Variants in CARHSP1 observed in about 807,000 individuals in gnomAD.
CARHSP1 encodes the protein calcium-regulated heat-stable protein 1.
CARHSP1 carries 14 observed loss-of-function variants against 12.5 expected under a neutral mutation model. That is an observed-to-expected ratio of 1.12 (90% CI 0.74 to 1.75). The LOEUF is 1.75. CARHSP1 is among the 40% of genes most tolerant of loss of function. The pLI, the probability that CARHSP1 is intolerant of heterozygous loss-of-function variation, is 0.00. For missense variants in CARHSP1, 343 were observed against 201.6 expected (o/e 1.70, Z -4.25); for synonymous variants, 161 against 82.0 (o/e 1.96, Z -5.20).
intron 1 of CARHSP1, among the ~76,000 whole-genome samples, chr16:8,860,999 G>A (rs190059630): frequency 2.7e-5 from 4 of 148,382 alleles, no homozygotes; most frequent in African/African-American, 9.9e-5. Context: ...GCAATGAGCC[G>A]AGATCACACC....
chr16:8,857,263 G>GTTTTTTGTTTTTTTTTTTTTTTTTTTTTT (rs1315960023), intron 3 of CARHSP1, among the ~76,000 whole-genome samples: 1 of 57,036 alleles, frequency 1.8e-5, no homozygotes, highest in African/African-American at 5.6e-5. Flanking sequence ...GGGCAGATCT[G>GTTTTTTGTTTTTTTTTTTTTTTTTTTTTT]TTTTTTTTTT....
intron 1 of CARHSP1, chr16:8,866,547 G>T: frequency 1.2e-6 from 1 of 801,280 alleles, no homozygotes; most frequent in Non-Finnish European, 1.5e-6. Context: ...GGCGGGGCGG[G>T]TCAGCTGAGC....
intron 1 of CARHSP1, chr16:8,861,564 G>T: frequency 8.0e-7 from 1 of 1,253,866 alleles, no homozygotes; most frequent in Non-Finnish European, 1.0e-6. Context: ...TGAAATGTCA[G>T]AACCCCTCCC....
intron 1 of CARHSP1, among the ~76,000 whole-genome samples, chr16:8,866,730 G>C (rs1291318129): frequency 6.6e-6 from 1 of 151,316 alleles, no homozygotes; most frequent in Non-Finnish European, 1.5e-5. Flanking sequence ...GATGGGGGTT[G>C]GAGTGTCCAG....
chr16:8,858,995 C>A (rs576694348), intron 2 of CARHSP1, 176 bp downstream of exon 2: 17 of 562,566 alleles, frequency 3.0e-5, no homozygotes, highest in African/African-American at 2.1e-4. Context: ...CTGGGCAGTA[C>A]CCTGAATTTA....
chr16:8,863,179 G>A (rs1404410197), intron 1 of CARHSP1, among the ~76,000 whole-genome samples: 1 of 145,088 alleles, frequency 6.9e-6, no homozygotes. Flanking sequence ...GAATGCAGTG[G>A]CGCGATCATG....
intron 1 of CARHSP1, chr16:8,860,264 A>T: frequency 1.0e-6 from 1 of 983,080 alleles, no homozygotes; most frequent in Non-Finnish European, 1.2e-6. Context: ...GGCTGCATCC[A>T]GCTCCATCAG....
intron 1 of CARHSP1, among the ~76,000 whole-genome samples, chr16:8,863,533 T>G (rs1254006273): frequency 6.6e-6 from 1 of 152,150 alleles, no homozygotes; most frequent in Non-Finnish European, 1.5e-5. Flanking sequence ...GCTCACCTGA[T>G]AGTGGAAGAA....
chr16:8,857,283 T>TTTG (rs2061161435), intron 3 of CARHSP1, among the ~76,000 whole-genome samples: 2 of 125,532 alleles, frequency 1.6e-5, no homozygotes, highest in Non-Finnish European at 3.4e-5. Flanking sequence ...TTTTTTTTTT[T>TTTG]TTTTTTTTTT....
Position 8,855,351 on chromosome 16 carries a change from C to T in CARHSP1, c.282-25G>A, listed in dbSNP as rs201435913. 8.1e-4 allele frequency: 1,212 copies of T among 1,498,280 alleles called. 1 individual carries two copies. Among genetic ancestry groups the T allele is most frequent in the Non-Finnish European group, 9.4e-4 (1,050 of 1,112,916 alleles). 92.8% of individuals were successfully genotyped at this position (1,498,280 alleles called of 1,614,324 possible). ...ACTACGGGGGCATAAATAAAGCAGT[C>T]AGGGCTCACACCGGGACACAGCTCC... On this transcript the variant is annotated intron_variant, in intron 3 of 3. Transcript: ENST00000311052.
chr16:8,859,372 G>A (rs896878350), intron 1 of CARHSP1, 37 bp from the exon 2 acceptor site: 2 of 1,570,148 alleles, frequency 1.3e-6, no homozygotes, highest in East Asian at 2.3e-5. Flanking sequence ...CTCGTGCCTT[G>A]CAAGGTAGGG....
In CARHSP1 at chr16:8,861,989, C is replaced by CTTTTTTTTTTTTTTT. The variant is rs537614451; in HGVS notation, c.-7-2669_-7-2655dup. ...TTCTCCTGGAGTCAAGCATAGCTGA[C>CTTTTTTTTTTTTTTT]TTTTTTTTTTTTTTTTTTTTTTTTT... On this transcript the variant is annotated intron_variant, in intron 1 of 3. Transcript: ENST00000311052. 1.9e-3 allele frequency among the ~76,000 whole-genome samples: 155 copies of CTTTTTTTTTTTTTTT among 79,776 alleles called. 19 individuals carry two copies. Among genetic ancestry groups the CTTTTTTTTTTTTTTT allele is most frequent in the Non-Finnish European group, 2.8e-3 (109 of 38,840 alleles). The allele number at this position is 79,776 out of a possible 152,430, so 52.3% of individuals were successfully genotyped here. A position where few individuals can be genotyped will look rare whatever the true frequency, so the allele number is the denominator to read the frequency against.
intron 1 of CARHSP1, among the ~76,000 whole-genome samples, chr16:8,863,911 C>T (rs1037811417): frequency 1.3e-5 from 2 of 152,178 alleles, no homozygotes; most frequent in Admixed American, 6.5e-5. Flanking sequence ...TCCAGCCAGC[C>T]ACTGCTCTCC....
rs1208057759 is a variant in CARHSP1 at position 8,859,169 on chromosome 16, AC to A, written c.158+1del. 3.1e-6 allele frequency: 5 copies of A among 1,594,758 alleles called. No homozygotes were observed. Among genetic ancestry groups the A allele is most frequent in the Non-Finnish European group, 4.3e-6 (5 of 1,168,884 alleles). ...CGCGTCCCCAGCCTGCTCCAGACTCACGCCGAGAAGGTCCTCGTCCGGCGAG... is the reference window on the plus strand; with the variant it reads ...CGCGTCCCCAGCCTGCTCCAGACTCAGCCGAGAAGGTCCTCGTCCGGCGAG... On this transcript the variant is annotated splice_donor_variant, in intron 2 of 3. Transcript: ENST00000311052. LOFTEE classifies it high-confidence loss of function.
chr16:8,859,051 CAGGTCT>C (rs2061252515), intron 2 of CARHSP1, 114 bp downstream of exon 2: 1 of 927,760 alleles, frequency 1.1e-6, no homozygotes, highest in African/African-American at 1.7e-5. Context: ...GGCCCAGCCC[CAGGTCT>C]GCCTATTTGG....
chr16:8,856,699 C>G lies in CARHSP1; in HGVS notation c.282-1373G>C, dbSNP rs563001341. ...TTCAGAAATGTGGTTTCCGTGTTAG[C>G]GGGTATGCTGTGCAGAGTAGGACTC... On this transcript the variant is annotated intron_variant, in intron 3 of 3. Transcript: ENST00000311052. 1.3e-3 allele frequency among the ~76,000 whole-genome samples: 199 copies of G among 152,214 alleles called. 1 individual carries two copies. The South Asian group carries it at 0.021, about 16-fold the overall frequency.
intron 1 of CARHSP1, chr16:8,861,913 C>CAGTT (rs1454688984): frequency 4.5e-6 from 3 of 669,862 alleles, no homozygotes; most frequent in South Asian, 2.2e-5. Context: ...CGCAACTCCA[C>CAGTT]AGTTAGAGAC....
intron 3 of CARHSP1, chr16:8,857,501 A>ATGTTGGCCC (rs1555455936): frequency 8.1e-6 from 1 of 123,280 alleles, no homozygotes; most frequent in African/African-American, 3.1e-5. Flanking sequence ...GGATTTCACC[A>ATGTTGGCCC]GGCTGGTCTT....
chr16:8,858,483 G>C lies in CARHSP1; in HGVS notation c.159-11C>G. 4 of 1,612,816 alleles carry C rather than the reference G, an allele frequency of 2.5e-6. No homozygotes were observed. Among genetic ancestry groups the C allele is most frequent in the Non-Finnish European group, 3.4e-6 (4 of 1,179,814 alleles). On this transcript the variant is annotated splice_polypyrimidine_tract_variant and intron_variant, in intron 2 of 3. Coordinates refer to ENST00000311052, the MANE Select transcript of CARHSP1 (RefSeq NM_014316.4). Reference sequence around the variant, plus strand: ...GAAGCCCGCACCGTCCTGACAGAGAGGGGGAAATGTCAGGGGCCCCATCAG... The same window carrying C: ...GAAGCCCGCACCGTCCTGACAGAGACGGGGAAATGTCAGGGGCCCCATCAG...
Sources: gnomAD v4.1 joint callset for allele counts (sites outside exome capture counted in the v4.1 genomes callset) on GRCh38, gnomAD v4.1.1 for gene constraint, MANE v1.5 for transcripts, NCBI Gene and HGNC (gene_info 2026-07-23, HGNC 2026-07-21) for gene names.